Variants in RRBP1 observed in about 807,000 individuals in gnomAD.
RRBP1 encodes the protein ribosome binding protein 1.
In RRBP1, 94 loss-of-function variants were observed where a neutral mutation model predicts 165.2. The ratio of observed to expected loss-of-function variants is 0.57; its 90% CI spans 0.48 to 0.68. RRBP1 has a LOEUF of 0.68. RRBP1 is among the 30% of genes least tolerant of loss of function. The pLI is 0.00. For synonymous variants in RRBP1, 680 were observed against 714.5 expected (o/e 0.95, Z 0.77); for missense variants, 1,676 against 1,763.0 (o/e 0.95, Z 0.88).
At chr20:17,661,988 C>T (rs1336894678) in intron 2 of RRBP1, among the ~76,000 whole-genome samples, 5 of 152,134 alleles carry the variant, frequency 3.3e-5, no homozygotes, top group East Asian at 1.9e-4. Context: ...CTCGGCCGGG[C>T]GCGGTGGCTC....
intron 13 of RRBP1, among the ~76,000 whole-genome samples, chr20:17,622,439 G>A (rs11087218): frequency 0.16 from 24,334 of 151,968 alleles, 2,541 homozygotes; most frequent in East Asian, 0.49. Flanking sequence ...GTCTGCTGGC[G>A]GCACCACGGT....
At chr20:17,635,519 G>C in intron 7 of RRBP1, 27 bp downstream of exon 7, 1 of 1,542,714 alleles carries the variant, frequency 6.5e-7, no homozygotes, top group Non-Finnish European at 8.9e-7. Context: ...CCTTGGGGAG[G>C]TGCTGAGGCA....
In RRBP1 at chr20:17,619,666, G is replaced by A. The variant is rs750882183; in HGVS notation, c.3642C>T (p.Ala1214=). ...CCTCCTTGGCGTAGTTCTGGCACTC[G>A]GCGCTGGCGGCCGCCATGTGCTTTT... is the stretch of plus-strand genomic sequence containing the variant. ...ELEKHMAAAS[A]ECQNYAKEVA... Residue 1214 remains alanine, a synonymous_variant, in exon 19 of 25, where the codon GCC becomes GCT. Transcript: ENST00000377813. The A allele has an allele frequency of 2.3e-5, 37 of 1,612,626 alleles. No homozygotes were observed. The Admixed American group carries it at 3.0e-4, about 13-fold the overall frequency.
chr20:17,675,834 G>T (rs1028184453), intron 2 of RRBP1, among the ~76,000 whole-genome samples: 1 of 152,160 alleles, frequency 6.6e-6, no homozygotes, highest in African/African-American at 2.4e-5. Flanking sequence ...GACATGGTCT[G>T]CTCTGGCAAC....
chr20:17,643,143 GA>G lies in RRBP1; in HGVS notation c.1913-17del. The G allele has an allele frequency of 6.2e-7, 1 of 1,612,428 alleles. No individual in the cohort carries two copies. On this transcript the variant is annotated splice_polypyrimidine_tract_variant and intron_variant, in intron 3 of 24. Transcript: ENST00000377813. This position sits in a 1 kb window ranked among gnomAD's most constrained non-coding sequence, Gnocchi z 4.3. Reference sequence around the variant, plus strand: ...TCTGGGGGCCCTGTGCAGCAAGAGGGAAAGAGCTGAGACTTAGGCCCATAAG... The same window carrying G: ...TCTGGGGGCCCTGTGCAGCAAGAGGGAAGAGCTGAGACTTAGGCCCATAAG...
chr20:17,657,653 A>C (rs1031556535), intron 3 of RRBP1, among the ~76,000 whole-genome samples: 4 of 152,228 alleles, frequency 2.6e-5, no homozygotes, highest in Non-Finnish European at 5.9e-5. Context: ...GAAAGAAAAC[A>C]TAAGTGAAAC....
intron 24 of RRBP1, 137 bp from the exon 25 acceptor site, chr20:17,614,357 C>G: frequency 1.2e-6 from 1 of 800,328 alleles, no homozygotes. Flanking sequence ...GAACAGGAGC[C>G]ACAGACCCCT....
At chr20:17,645,156 C>G (rs2036440920) in intron 3 of RRBP1, among the ~76,000 whole-genome samples, 1 of 152,194 alleles carries the variant, frequency 6.6e-6, no homozygotes, top group South Asian at 2.1e-4. Flanking sequence ...CCCACGGCCC[C>G]TACTGCACTG....
chr20:17,616,637 A>G, intron 21 of RRBP1, 95 bp downstream of exon 21: 1 of 795,182 alleles, frequency 1.3e-6, no homozygotes, highest in East Asian at 2.6e-5. Flanking sequence ...CGGAGGCTGG[A>G]GCAGCCAGTG....
intron 4 of RRBP1, among the ~76,000 whole-genome samples, chr20:17,642,698 C>T (rs2036386551): frequency 6.6e-6 from 1 of 152,168 alleles, no homozygotes; most frequent in Non-Finnish European, 1.5e-5. Context: ...TTTCTGCACC[C>T]TGAGCTGTGG....
intron 3 of RRBP1, among the ~76,000 whole-genome samples, chr20:17,649,412 TA>T (rs1454269601): frequency 2.0e-5 from 3 of 152,108 alleles, no homozygotes; most frequent in African/African-American, 7.2e-5. Flanking sequence ...GTCAAACAGG[TA>T]AAAATTCAAA....
chr20:17,666,979 G>T (rs965803552), intron 2 of RRBP1, among the ~76,000 whole-genome samples: 1 of 152,196 alleles, frequency 6.6e-6, no homozygotes. Context: ...TCTTGATGGA[G>T]ATTCTTTTCT....
intron 22 of RRBP1, 68 bp downstream of exon 22, chr20:17,615,858 C>T: frequency 7.3e-7 from 1 of 1,378,854 alleles, no homozygotes; most frequent in Non-Finnish European, 1.0e-6. Context: ...AGGGCTGACC[C>T]ACTCATTCCC....
intron 3 of RRBP1, among the ~76,000 whole-genome samples, chr20:17,655,939 C>G (rs1421971081): frequency 6.6e-6 from 1 of 152,184 alleles, no homozygotes; most frequent in Admixed American, 6.5e-5. Flanking sequence ...CCAGGAACTG[C>G]TTAGAAATGC....
intron 3 of RRBP1, among the ~76,000 whole-genome samples, chr20:17,650,250 G>A (rs777920866): frequency 6.6e-6 from 1 of 152,296 alleles, no homozygotes; most frequent in South Asian, 2.1e-4. Flanking sequence ...CCTCCCAAAG[G>A]TGGCCTCTTT....
rs149608551 is a variant in RRBP1, at chr20:17,619,586, C to T, written c.3675+47G>A. On this transcript the variant is annotated intron_variant, in intron 19 of 24. Transcript: ENST00000377813. Reference sequence around the variant, plus strand: ...TGAGGAGAAGCAGCTCAGGGAGGACCGCAGATCTGCTGGGCAGGGGCTGCA... The same window carrying T: ...TGAGGAGAAGCAGCTCAGGGAGGACTGCAGATCTGCTGGGCAGGGGCTGCA... The T allele has an allele frequency of 1.9e-5, 27 of 1,410,370 alleles. No homozygotes were observed. The East Asian group carries it at 2.6e-4, about 13-fold the overall frequency. The allele number at this position is 1,410,370 out of a possible 1,614,324, so 87.4% of individuals were successfully genotyped here. A position where few individuals can be genotyped will look rare whatever the true frequency, so the allele number is the denominator to read the frequency against.
intron 2 of RRBP1, among the ~76,000 whole-genome samples, chr20:17,673,032 T>C (rs993338748): frequency 6.6e-6 from 1 of 152,240 alleles, no homozygotes; most frequent in African/African-American, 2.4e-5. Context: ...GAATAATCTA[T>C]TTCTTGATCT....
chr20:17,629,788 C>A, intron 9 of RRBP1, 35 bp downstream of exon 9: 1 of 1,580,612 alleles, frequency 6.3e-7, no homozygotes, highest in Non-Finnish European at 8.6e-7. Flanking sequence ...CAGCACCCTG[C>A]ACTGAACCCC....
intron 3 of RRBP1, among the ~76,000 whole-genome samples, chr20:17,655,583 G>A (rs1481400776): frequency 1.3e-5 from 2 of 152,118 alleles, no homozygotes; most frequent in East Asian, 1.9e-4. Context: ...TGGGTGAGCC[G>A]CATGCACCGA....
Sources: gnomAD v4.1 joint callset for allele counts (sites outside exome capture counted in the v4.1 genomes callset) on GRCh38, gnomAD v4.1.1 for gene constraint, Gnocchi (gnomAD v3.1) non-coding constraint, MANE v1.5 for transcripts, NCBI Gene and HGNC (gene_info 2026-07-23, HGNC 2026-07-21) for gene names.